Variants in PTN observed in about 807,000 individuals in gnomAD.
The protein encoded by PTN is pleiotrophin.
Under a neutral mutation model 24.1 loss-of-function variants are expected in PTN, and 18 were observed. The ratio of observed to expected loss-of-function variants is 0.75; its 90% CI spans 0.52 to 1.11. The LOEUF (loss-of-function observed/expected upper bound fraction) is 1.11. PTN is among the 50% of genes least tolerant of loss of function. The pLI is 0.00. For missense variants in PTN, 163 were observed against 198.8 expected (o/e 0.82, Z 1.08); for synonymous variants, 78 against 68.6 (o/e 1.14, Z -0.67).
chr7:137,316,867 AAT>A (rs775387994), intron 1 of PTN, among the ~76,000 whole-genome samples: 4 of 152,132 alleles, frequency 2.6e-5, no homozygotes, highest in Non-Finnish European at 5.9e-5. Flanking sequence ...AGGATGTGGA[AAT>A]ACGCAAGGCA....
intron 1 of PTN, among the ~76,000 whole-genome samples, chr7:137,255,875 C>A (rs1808913797): frequency 6.6e-6 from 1 of 152,198 alleles, no homozygotes; most frequent in Non-Finnish European, 1.5e-5. Context: ...GCTGCAGCAA[C>A]TTGCCTGGCA....
chr7:137,307,393 C>T (rs1379780219), intron 1 of PTN, among the ~76,000 whole-genome samples: 3 of 151,990 alleles, frequency 2.0e-5, no homozygotes, highest in African/African-American at 4.8e-5. Context: ...TATATGTTTG[C>T]TATAATAGAA....
intron 1 of PTN, among the ~76,000 whole-genome samples, chr7:137,322,083 G>A (rs755270419): frequency 1.3e-5 from 2 of 152,034 alleles, no homozygotes; most frequent in East Asian, 1.9e-4. Context: ...TCCTTCCCTC[G>A]TACGTAGACT....
chr7:137,266,941 G>C (rs1809161535), intron 1 of PTN, among the ~76,000 whole-genome samples: 1 of 141,716 alleles, frequency 7.1e-6, no homozygotes, highest in Admixed American at 7.7e-5. Flanking sequence ...TGGGCCATCC[G>C]CAGGTTACTG....
chr7:137,243,164 T>C (rs758363720), intron 4 of PTN, among the ~76,000 whole-genome samples: 2 of 152,150 alleles, frequency 1.3e-5, no homozygotes, highest in African/African-American at 4.8e-5. Context: ...CTCGATCTCT[T>C]GACCTCGTGA....
intron 1 of PTN, among the ~76,000 whole-genome samples, chr7:137,285,597 G>A (rs972519455): frequency 1.2e-4 from 18 of 152,190 alleles, no homozygotes; most frequent in African/African-American, 3.9e-4. Context: ...TTGAACCTGG[G>A]AGGTGGAGGT....
In PTN at chr7:137,229,068, T is replaced by C. The variant is rs931545449; in HGVS notation, c.452-993A>G. Among the ~76,000 whole-genome samples, 3 of 151,824 alleles carry C rather than the reference T, an allele frequency of 2.0e-5. No individual in the cohort carries two copies. The East Asian group carries it at 5.8e-4, about 29-fold the overall frequency. ...GTTTCTTAGATTACTCATCTTTAAA[T>C]AGGCATATGAAAAGTACCATAGCAT... is the stretch of plus-strand genomic sequence containing the variant. On this transcript the variant is annotated intron_variant, in intron 4 of 4. Transcript: ENST00000348225.
At chr7:137,230,608 T>C (rs1040872775) in intron 4 of PTN, among the ~76,000 whole-genome samples, 1 of 151,864 alleles carries the variant, frequency 6.6e-6, no homozygotes, top group African/African-American at 2.4e-5. Context: ...AGGTCAGTAA[T>C]ATTGCTTCCA....
chr7:137,310,337 C>T (rs1809958876), intron 1 of PTN, among the ~76,000 whole-genome samples: 1 of 151,622 alleles, frequency 6.6e-6, no homozygotes, highest in Non-Finnish European at 1.5e-5. Context: ...TCTTAAGGGC[C>T]CTAGTATTTT....
chr7:137,259,846 G>C (rs944911008), intron 1 of PTN, among the ~76,000 whole-genome samples: 9 of 151,894 alleles, frequency 5.9e-5, no homozygotes, highest in Non-Finnish European at 1.2e-4. Context: ...AAGTCAAGAG[G>C]TCCAATGTTG....
At chr7:137,321,282 G>C (rs1810159036) in intron 1 of PTN, among the ~76,000 whole-genome samples, 2 of 152,128 alleles carry the variant, frequency 1.3e-5, no homozygotes, top group South Asian at 4.1e-4. Context: ...TCACAGCTTG[G>C]CTAAGAATCA....
rs959024180 is a variant in PTN, at chr7:137,283,951, G to T, written c.-1-28977C>A. ...AAAATGAATGTGAAAATGAGCATCA[G>T]ATTTTTTTTTTTTTTTTTTTTTTTT... On this transcript the variant is annotated intron_variant, in intron 1 of 4. Coordinates refer to ENST00000348225, the MANE Select transcript of PTN (RefSeq NM_002825.7). 8.6e-5 allele frequency among the ~76,000 whole-genome samples: 6 copies of T among 70,080 alleles called. 1 individual carries two copies. The highest frequency in any genetic ancestry group is 3.9e-4 in the Admixed American group (2 of 5,160). The allele number at this position is 70,080 out of a possible 152,430, so 46.0% of individuals were successfully genotyped here. A position where few individuals can be genotyped will look rare whatever the true frequency, so the allele number is the denominator to read the frequency against.
In PTN at chr7:137,255,090, G is replaced by A. The variant is rs985723852; in HGVS notation, c.-1-116C>T. 6 of 613,226 alleles carry A rather than the reference G, an allele frequency of 9.8e-6. No individual in the cohort carries two copies. In the African/African-American group the frequency reaches 1.1e-4, roughly 11 times the overall value. The allele number at this position is 613,226 out of a possible 1,614,324, so 38.0% of individuals were successfully genotyped here. ...CCATTTCTGGAATGTTAGATTTCAG[G>A]AAGATTCATATCAATTATCTTGGGT... On this transcript the variant is annotated intron_variant, in intron 1 of 4. Coordinates refer to ENST00000348225, the MANE Select transcript of PTN (RefSeq NM_002825.7).
In PTN at chr7:137,243,711, G is replaced by A. The variant is rs532231525; in HGVS notation, c.451+7519C>T. On this transcript the variant is annotated intron_variant, in intron 4 of 4. Coordinates refer to ENST00000348225, the MANE Select transcript of PTN (RefSeq NM_002825.7). ...GGTAGACGTGACCAACTAGAAGCAG[G>A]GGCCAAATGTGGGGAGATTGGATAG... Among the ~76,000 whole-genome samples the A allele has an allele frequency of 2.0e-5, 3 of 152,276 alleles. 1 individual carries two copies. In the South Asian group the frequency reaches 6.2e-4, roughly 32 times the overall value.
intron 1 of PTN, among the ~76,000 whole-genome samples, chr7:137,306,337 C>T (rs1563218866): frequency 1.3e-5 from 2 of 152,042 alleles, no homozygotes; most frequent in Non-Finnish European, 2.9e-5. Flanking sequence ...ATTGCTTTCC[C>T]TGGTAAATCG....
chr7:137,280,691 T>TAACAAAA (rs760779128), intron 1 of PTN, among the ~76,000 whole-genome samples: 697 of 14,644 alleles, frequency 0.048, 46 homozygotes, highest in Middle Eastern at 0.12. Flanking sequence ...CCGTCTCTAC[T>TAACAAAA]AAAAATACAA....
At chr7:137,316,420 A>G (rs1429632368) in intron 1 of PTN, among the ~76,000 whole-genome samples, 1 of 152,182 alleles carries the variant, frequency 6.6e-6, no homozygotes. Context: ...AAGTCTTACA[A>G]GAAAGTCTCT....
chr7:137,324,433 A>AAAAAAAAAAATATATATATATAT, intron 1 of PTN, among the ~76,000 whole-genome samples: 1 of 88,762 alleles, frequency 1.1e-5, no homozygotes, highest in African/African-American at 6.9e-5. Context: ...AAAAAAAAAA[A>AAAAAAAAAAATATATATATATAT]ATATATATAT....
rs1451525091 is a variant in PTN, at chr7:137,246,998, G to A, written c.451+4232C>T. ...TAAGGCTTAAATTAAATGACTAGGA[G>A]CTCCTACCCCAGTGTCCAATTCAAA... On this transcript the variant is annotated intron_variant, in intron 4 of 4. Coordinates refer to ENST00000348225, the MANE Select transcript of PTN (RefSeq NM_002825.7). Among the ~76,000 whole-genome samples the A allele has an allele frequency of 2.6e-5, 4 of 152,154 alleles. No homozygotes were observed. The East Asian group carries it at 7.7e-4, about 29-fold the overall frequency.
Sources: allele counts gnomAD v4.1 joint callset (sites outside exome capture counted in the v4.1 genomes callset), GRCh38; gene constraint gnomAD v4.1.1; transcripts MANE v1.5; gene names NCBI Gene and HGNC (gene_info 2026-07-23, HGNC 2026-07-21).